The following CCDC171 variants were observed in gnomAD, a reference collection of about 807,000 sequenced individuals.
CCDC171 encodes the protein coiled-coil domain-containing protein 171.
A neutral mutation model predicts 168.2 loss-of-function variants in CCDC171; 177 were observed. The ratio of observed to expected loss-of-function variants is 1.05; its 90% confidence interval spans 0.93 to 1.19. The LOEUF (loss-of-function observed/expected upper bound fraction) is 1.19, where lower values mean the gene tolerates loss of function less well. CCDC171 is among the 50% of genes most tolerant of loss of function. The pLI, the probability that CCDC171 is intolerant of heterozygous loss-of-function variation, is 0.00. For missense variants in CCDC171, 1,991 were observed against 1,539.0 expected (o/e 1.29, Z -4.91); for synonymous variants, 687 against 540.8 (o/e 1.27, Z -3.75).
At chr9:15,594,828 A>C (rs1470109053) in intron 6 of CCDC171, among the ~76,000 whole-genome samples, 2 of 152,162 alleles carry the variant, frequency 1.3e-5, no homozygotes, top group Admixed American at 1.3e-4. Context: ...GAGAAACTCA[A>C]ACTAGTGTGT....
chr9:15,757,432 G>A, intron 18 of CCDC171, among the ~76,000 whole-genome samples: 1 of 152,164 alleles, frequency 6.6e-6, no homozygotes, highest in African/African-American at 2.4e-5. Flanking sequence ...TCTGGTGGAA[G>A]AAATTTCTAA....
Position 16,010,715 on chromosome 9 carries a change from A to G in CCDC171, n.369-9874A>G, listed in dbSNP as rs553577486. Among the ~76,000 whole-genome samples, 6 of 150,448 alleles carry G rather than the reference A, an allele frequency of 4.0e-5. No individual in the cohort carries two copies. The East Asian group carries it at 7.9e-4, about 20-fold the overall frequency. ...AGGTTCAACTGCAAGATAATAGTGT[A>G]GTGTTATTTGGTATTCCAAGGTCAA... On this transcript the variant is annotated intron_variant and non_coding_transcript_variant, in intron 3 of 9. Coordinates refer to the CCDC171 transcript ENST00000486641.
chr9:15,641,735 T>G (rs1405172130), intron 7 of CCDC171, among the ~76,000 whole-genome samples: 1 of 151,992 alleles, frequency 6.6e-6, no homozygotes, highest in Non-Finnish European at 1.5e-5. Context: ...GAGATATAAA[T>G]TACACCAAAA....
chr9:15,578,008 G>A (rs75887654), intron 3 of CCDC171, among the ~76,000 whole-genome samples: 1,927 of 152,204 alleles, frequency 0.013, 28 homozygotes, highest in Admixed American at 0.039. Context: ...TTCGATATTC[G>A]TTCATTTAAA....
At position 15,623,463 on chromosome 9, in the gene CCDC171, A is replaced by ACGCGCGCG. The variant is rs144676393; in HGVS notation, c.822+50_822+51insCGCGCGCG. The ACGCGCGCG allele has an allele frequency of 2.1e-3, 1,363 of 636,068 alleles. 221 individuals carry two copies. The highest frequency in any genetic ancestry group is 2.9e-3 in the South Asian group (150 of 52,564). The allele number at this position is 636,068 out of a possible 1,614,324, so 39.4% of individuals were successfully genotyped here. ...TATATATGCGTACAAACTTTCACAT[A>ACGCGCGCG]TGCGCGCGCGCGCACACACACACAC... On this transcript the variant is annotated intron_variant, in intron 7 of 25. Coordinates refer to ENST00000380701, the MANE Select transcript of CCDC171 (RefSeq NM_173550.4).
chr9:15,888,944 CTTTTCTTTTT>C (rs1819810983), intron 24 of CCDC171: 1 of 59,326 alleles, frequency 1.7e-5, no homozygotes, highest in Admixed American at 2.1e-4. Context: ...CCTCATTTTT[CTTTTCTTTTT>C]TTTTTTTTTT....
At chr9:15,587,553 A>C in intron 4 of CCDC171, 1 of 443,420 alleles carries the variant, frequency 2.3e-6, no homozygotes, top group South Asian at 1.6e-5. Context: ...TCTTTATCCA[A>C]AAAAACAGAC....
At chr9:16,107,676 GC>G in the CCDC171 span, among the ~76,000 whole-genome samples, 1 of 152,000 alleles carries the variant, frequency 6.6e-6, no homozygotes, top group African/African-American at 2.4e-5. Flanking sequence ...AGAGTAAGTT[GC>G]AAAAACATGT....
chr9:16,022,568 C>G (rs974145720), exon 5 of CCDC171: 2 of 152,382 alleles, frequency 1.3e-5, no homozygotes, highest in African/African-American at 4.8e-5. Context: ...GGTTCCTGGA[C>G]AAACATGCAG....
At chr9:15,663,957 T>G (rs2048523455) in intron 8 of CCDC171, among the ~76,000 whole-genome samples, 1 of 152,154 alleles carries the variant, frequency 6.6e-6, no homozygotes, top group Non-Finnish European at 1.5e-5. Context: ...CTCATGTATT[T>G]TACAGCAACA....
chr9:15,723,524 AT>A, intron 12 of CCDC171, 156 bp from the exon 13 acceptor site: 1 of 584,356 alleles, frequency 1.7e-6, no homozygotes, highest in Non-Finnish European at 3.0e-6. Flanking sequence ...AAAAGAAATA[AT>A]TTTTTAAAGA....
At chr9:15,603,829 C>T (rs2043036602) in intron 6 of CCDC171, among the ~76,000 whole-genome samples, 1 of 152,238 alleles carries the variant, frequency 6.6e-6, no homozygotes, top group Non-Finnish European at 1.5e-5. Flanking sequence ...AATTGCCACA[C>T]TGTCTTCCAC....
At chr9:15,731,351 C>T (rs2054138642) in intron 16 of CCDC171, among the ~76,000 whole-genome samples, 1 of 152,100 alleles carries the variant, frequency 6.6e-6, no homozygotes, top group South Asian at 2.1e-4. Flanking sequence ...TTCTCATGTT[C>T]TCTCTTCCAG....
chr9:15,614,929 A>G (rs1159300788), intron 6 of CCDC171, among the ~76,000 whole-genome samples: 1 of 152,212 alleles, frequency 6.6e-6, no homozygotes, highest in Non-Finnish European at 1.5e-5. Context: ...GTCAATGTCA[A>G]AATTGCTGGC....
At chr9:15,830,253 T>A (rs933913893) in intron 21 of CCDC171, among the ~76,000 whole-genome samples, 2 of 152,194 alleles carry the variant, frequency 1.3e-5, no homozygotes, top group African/African-American at 4.8e-5. Context: ...TTGTAGGAAG[T>A]AAGACATGAA....
At chr9:15,554,899 G>A (rs1002494356) in intron 1 of CCDC171, among the ~76,000 whole-genome samples, 12 of 152,156 alleles carry the variant, frequency 7.9e-5, no homozygotes, top group Non-Finnish European at 1.8e-4. Flanking sequence ...GATTAAATGA[G>A]ATCAGGAATG....
At chr9:15,664,345 C>T (rs890537623) in intron 8 of CCDC171, among the ~76,000 whole-genome samples, 3 of 152,124 alleles carry the variant, frequency 2.0e-5, no homozygotes, top group African/African-American at 7.2e-5. Context: ...ACTTCCCCAG[C>T]TCAAGTGATC....
In CCDC171 at chr9:15,846,790, A is replaced by G. The variant is rs368943264; in HGVS notation, c.3356A>G (p.Lys1119Arg). The change falls in exon 22 of 26, where the codon AAG becomes AGG. Residue 1119 changes from lysine to arginine, a missense_variant. Transcript: ENST00000380701. ...CATCTTACCCAGCTGGAGCAGGACA[A>G]GCGTCGACTGGAGGAGAACATCCAT... ...NRHLTQLEQD[K>R]RRLEENIHDA... is the part of the protein sequence containing the mutation. The G allele has an allele frequency of 1.9e-5, 31 of 1,612,016 alleles. No individual in the cohort carries two copies. Among genetic ancestry groups the G allele is most frequent in the Non-Finnish European group, 2.6e-5 (31 of 1,179,060 alleles).
chr9:15,673,757 T>C (rs1451752346), intron 9 of CCDC171, among the ~76,000 whole-genome samples: 1 of 152,232 alleles, frequency 6.6e-6, no homozygotes, highest in Non-Finnish European at 1.5e-5. Flanking sequence ...TGCCAGTATT[T>C]TAATGAGGAT....
Sources: gnomAD v4.1 joint callset for allele counts (sites outside exome capture counted in the v4.1 genomes callset) on GRCh38, gnomAD v4.1.1 for gene constraint, MANE v1.5 for transcripts, NCBI Gene and HGNC (gene_info 2026-07-23, HGNC 2026-07-21) for gene names.